AFF4: variants seen among roughly 807,000 people sequenced by gnomAD.
AFF4 encodes ALF transcription elongation factor 4, also known as AF4/FMR2 family member 4.
A neutral mutation model predicts 124.8 loss-of-function variants in AFF4; 13 were observed. The ratio of observed to expected loss-of-function variants is 0.10; its 90% CI spans 0.07 to 0.17. The LOEUF is 0.17. Among genes scored for constraint, AFF4 ranks in the 10% least tolerant of loss-of-function variants. The probability of loss-of-function intolerance (pLI) is 1.00; values close to 1 mark genes in which losing one functional copy is unlikely to be tolerated. For missense variants in AFF4, 1,092 were observed against 1,403.8 expected (o/e 0.78, Z 3.55); for synonymous variants, 477 against 496.1 (o/e 0.96, Z 0.51).
chr5:132,934,125 A>T (rs747754299), intron 3 of AFF4, 22 bp downstream of exon 3: 1 of 1,593,804 alleles, frequency 6.3e-7, no homozygotes, highest in Non-Finnish European at 8.6e-7. Context: ...ACAATGTTAA[A>T]AGCTCTAAAT....
At chr5:132,900,965 C>T in intron 7 of AFF4, 1 of 985,296 alleles carries the variant, frequency 1.0e-6, no homozygotes. Context: ...CAAAGTTTAA[C>T]CAACATTTCT....
Position 132,896,816 on chromosome 5 carries a change from G to C in AFF4, c.1814C>G (p.Thr605Ser). The C allele has an allele frequency of 6.2e-7, 1 of 1,614,064 alleles. No individual in the cohort carries two copies. Among genetic ancestry groups the C allele is most frequent in the East Asian group, 2.2e-5 (1 of 44,888 alleles). Residue 605 changes from threonine (T) to serine (S), a missense_variant, in exon 11 of 21, where the codon ACC (threonine) becomes AGC (serine). Transcript: ENST00000265343. ...TATATTGGGTTTCCTTGAGCCTTTG[G>C]TGGCTGCTTTGTGTCTGCTGGAGGG... is the stretch of plus-strand genomic sequence containing the variant. Reference protein sequence around the residue: ...SMPSSRHKAATKGSRKPNIKK... With the variant: ...SMPSSRHKAASKGSRKPNIKK...
At chr5:132,938,277 T>G (rs570536100) in intron 1 of AFF4, among the ~76,000 whole-genome samples, 1 of 152,126 alleles carries the variant, frequency 6.6e-6, no homozygotes, top group South Asian at 2.1e-4. Context: ...CTCTTTTTTT[T>G]TTTTTTGAAA....
At chr5:132,921,985 A>G (rs567077114) in intron 5 of AFF4, among the ~76,000 whole-genome samples, 1 of 152,028 alleles carries the variant, frequency 6.6e-6, no homozygotes, top group South Asian at 2.1e-4. Context: ...GAGTCTCATT[A>G]TGTTGCCTAC....
At chr5:132,893,621 G>A (rs1449884125) in intron 11 of AFF4, among the ~76,000 whole-genome samples, 3 of 151,992 alleles carry the variant, frequency 2.0e-5, no homozygotes, top group Non-Finnish European at 2.9e-5. Flanking sequence ...AGGTTCAAGC[G>A]ATTCTCCTGC....
intron 1 of AFF4, among the ~76,000 whole-genome samples, chr5:132,953,466 C>T (rs1761888022): frequency 6.6e-6 from 1 of 151,796 alleles, no homozygotes. Context: ...CCCAGGCTGG[C>T]CTAAAACTCC....
intron 5 of AFF4, among the ~76,000 whole-genome samples, chr5:132,922,704 CA>C (rs1353483411): frequency 6.8e-6 from 1 of 146,704 alleles, no homozygotes; most frequent in African/African-American, 2.5e-5. Flanking sequence ...TGCTTGAAAC[CA>C]GGAGGTGGAG....
intron 4 of AFF4, among the ~76,000 whole-genome samples, chr5:132,929,810 A>C (rs1761259868): frequency 6.6e-6 from 1 of 152,210 alleles, no homozygotes; most frequent in Non-Finnish European, 1.5e-5. Context: ...TAATTTATGA[A>C]GACCACAGGG....
At chr5:132,951,041 A>AT (rs1197181565) in intron 1 of AFF4, among the ~76,000 whole-genome samples, 1 of 152,172 alleles carries the variant, frequency 6.6e-6, no homozygotes, top group Non-Finnish European at 1.5e-5. Context: ...CCTGGCCAAC[A>AT]TGGCAAAACC....
intron 19 of AFF4, among the ~76,000 whole-genome samples, chr5:132,884,202 A>C (rs2150064146): frequency 6.6e-6 from 1 of 152,326 alleles, no homozygotes; most frequent in East Asian, 1.9e-4. Flanking sequence ...AAAGAAAGGA[A>C]AAATCAAAAG....
In AFF4 at chr5:132,879,732, T is replaced by A; in HGVS notation, c.*1327A>T. 4.6e-6 allele frequency: 1 copy of A among 216,206 alleles called. No individual in the cohort carries two copies. The highest frequency in any genetic ancestry group is 9.3e-6 in the Non-Finnish European group (1 of 107,074). The allele number at this position is 216,206 out of a possible 1,614,324, so 13.4% of individuals were successfully genotyped here. A position where few individuals can be genotyped will look rare whatever the true frequency, so the allele number is the denominator to read the frequency against. ...ATATGCACCTTGTAGCAAAAGGTACTTTGATATACAACTCTTACAGAGCCA... is the reference window on the plus strand; with the variant it reads ...ATATGCACCTTGTAGCAAAAGGTACATTGATATACAACTCTTACAGAGCCA... On this transcript the variant is annotated 3_prime_UTR_variant, in exon 21 of 21. Transcript: ENST00000265343.
intron 5 of AFF4, among the ~76,000 whole-genome samples, chr5:132,925,707 T>C (rs1761154929): frequency 6.6e-6 from 1 of 152,060 alleles, no homozygotes; most frequent in Non-Finnish European, 1.5e-5. Flanking sequence ...ATCAAGCAAA[T>C]GGAATGCCAT....
chr5:132,905,731 A>G (rs529457687), intron 5 of AFF4, among the ~76,000 whole-genome samples: 3 of 152,320 alleles, frequency 2.0e-5, no homozygotes, highest in East Asian at 1.9e-4. Context: ...AAATCTTTAG[A>G]AAAAAACACA....
At chr5:132,904,214 ACCACTACACTCC>A (rs1760618410) in intron 6 of AFF4, 142 bp downstream of exon 6, 13 of 517,562 alleles carry the variant, frequency 2.5e-5, no homozygotes. Flanking sequence ...CTACGACCAC[ACCACTACACTCC>A]AGAAAAAAAA....
At chr5:132,910,141 A>G (rs1362568066) in intron 5 of AFF4, among the ~76,000 whole-genome samples, 2 of 152,218 alleles carry the variant, frequency 1.3e-5, no homozygotes, top group Non-Finnish European at 2.9e-5. Context: ...AATACCAGGG[A>G]AAAATAGCAA....
intron 1 of AFF4, chr5:132,943,244 C>A: frequency 5.4e-6 from 1 of 184,690 alleles, no homozygotes; most frequent in Non-Finnish European, 1.2e-5. Flanking sequence ...AGCCGCCCTA[C>A]AAACAGAAGA....
chr5:132,908,662 T>C (rs1760721774), intron 5 of AFF4, among the ~76,000 whole-genome samples: 1 of 150,974 alleles, frequency 6.6e-6, no homozygotes, highest in Admixed American at 6.6e-5. Flanking sequence ...TAAAAATACA[T>C]AAACAATGAC....
chr5:132,936,905 A>C (rs552295688), intron 2 of AFF4, among the ~76,000 whole-genome samples, 162 bp downstream of exon 2: 1 of 152,360 alleles, frequency 6.6e-6, no homozygotes, highest in East Asian at 1.9e-4. Context: ...CTCCAAAGAA[A>C]AGTTTATCCC....
intron 6 of AFF4, among the ~76,000 whole-genome samples, chr5:132,903,309 TAAC>T (rs1173099262): frequency 6.6e-6 from 1 of 152,172 alleles, no homozygotes; most frequent in Non-Finnish European, 1.5e-5. Flanking sequence ...AAAGAAAGCA[TAAC>T]ATCAAAAGAG....
Sources: allele counts gnomAD v4.1 joint callset (sites outside exome capture counted in the v4.1 genomes callset), GRCh38; gene constraint gnomAD v4.1.1; transcripts MANE v1.5; gene names NCBI Gene and HGNC (gene_info 2026-07-23, HGNC 2026-07-21).